The following SLC30A8 variants were observed in gnomAD, a reference collection of about 807,000 sequenced individuals.
SLC30A8 encodes the protein solute carrier family 30 member 8.
Under a neutral mutation model 36.9 loss-of-function variants are expected in SLC30A8, and 27 were observed. That is an observed-to-expected ratio of 0.73 (90% CI 0.54 to 1.01). The LOEUF is 1.01. Among genes scored for constraint, SLC30A8 ranks in the 50% least tolerant of loss-of-function variants. The pLI, the probability that SLC30A8 is intolerant of heterozygous loss-of-function variation, is 0.00. For synonymous variants in SLC30A8, 164 were observed against 172.4 expected (o/e 0.95, Z 0.38); for missense variants, 439 against 452.0 (o/e 0.97, Z 0.26).
At chr8:117,127,620 G>A (rs1452589475) in intron 2 of SLC30A8, among the ~76,000 whole-genome samples, 1 of 152,026 alleles carries the variant, frequency 6.6e-6, no homozygotes, top group Admixed American at 6.6e-5. Flanking sequence ...TCAGCACAAT[G>A]TTATAAGTTT....
At chr8:117,061,242 C>G (rs898153773) in intron 2 of SLC30A8, among the ~76,000 whole-genome samples, 1 of 152,214 alleles carries the variant, frequency 6.6e-6, no homozygotes, top group African/African-American at 2.4e-5. Flanking sequence ...AACCTAAGAT[C>G]ATCTACCTAT....
At chr8:117,124,513 C>T (rs1455444873) in intron 2 of SLC30A8, among the ~76,000 whole-genome samples, 1 of 151,804 alleles carries the variant, frequency 6.6e-6, no homozygotes, top group African/African-American at 2.4e-5. Context: ...TGTGGGATCT[C>T]ACATTGGCAT....
intron 2 of SLC30A8, among the ~76,000 whole-genome samples, chr8:117,053,820 G>A (rs1008681473): frequency 2.0e-5 from 3 of 152,158 alleles, no homozygotes; most frequent in African/African-American, 7.2e-5. Flanking sequence ...TTTTTGAAAT[G>A]AACTTGAAAA....
intron 2 of SLC30A8, among the ~76,000 whole-genome samples, chr8:117,086,034 T>A (rs1278064900): frequency 2.0e-5 from 3 of 152,190 alleles, no homozygotes; most frequent in African/African-American, 7.2e-5. Flanking sequence ...AGGTCATGGC[T>A]CTTTTGAAAA....
intron 2 of SLC30A8, among the ~76,000 whole-genome samples, chr8:117,108,470 AG>A (rs1276647033): frequency 6.6e-6 from 1 of 152,216 alleles, no homozygotes; most frequent in Non-Finnish European, 1.5e-5. Context: ...CTGTTTTAGC[AG>A]GTGCTCAGAG....
At chr8:117,057,990 A>G (rs556821730) in intron 2 of SLC30A8, among the ~76,000 whole-genome samples, 34 of 152,318 alleles carry the variant, frequency 2.2e-4, no homozygotes, top group African/African-American at 8.2e-4. Flanking sequence ...TGGCTATGCC[A>G]ATCTATGCTC....
At chr8:117,099,918 A>G (rs1586513592) in intron 2 of SLC30A8, among the ~76,000 whole-genome samples, 1 of 152,174 alleles carries the variant, frequency 6.6e-6, no homozygotes, top group East Asian at 1.9e-4. Context: ...CTATTGTTAT[A>G]TATCCATTTT....
intron 1 of SLC30A8, among the ~76,000 whole-genome samples, chr8:117,024,453 C>G (rs1460753047): frequency 1.3e-5 from 2 of 152,184 alleles, no homozygotes; most frequent in African/African-American, 4.8e-5. Context: ...TGGGCGTAAT[C>G]TCTTCCTCCT....
chr8:117,145,438 T>C (rs1821853754), intron 1 of SLC30A8, among the ~76,000 whole-genome samples: 1 of 151,834 alleles, frequency 6.6e-6, no homozygotes, highest in Non-Finnish European at 1.5e-5. Flanking sequence ...AATAATAGAG[T>C]CAGAATAATA....
At chr8:117,138,078 AAAG>A (rs1307280017) in intron 1 of SLC30A8, among the ~76,000 whole-genome samples, 8 of 147,828 alleles carry the variant, frequency 5.4e-5, no homozygotes, top group African/African-American at 2.1e-4. Context: ...AAAAAAAAAA[AAAG>A]AAAAAGAAAA....
At chr8:117,045,534 A>G (rs1817524213) in intron 2 of SLC30A8, among the ~76,000 whole-genome samples, 1 of 152,178 alleles carries the variant, frequency 6.6e-6, no homozygotes. Flanking sequence ...ATGTTTTGGC[A>G]GCTTGTGCAG....
At chr8:117,109,585 G>A (rs1820135916) in intron 2 of SLC30A8, among the ~76,000 whole-genome samples, 1 of 147,610 alleles carries the variant, frequency 6.8e-6, no homozygotes, top group African/African-American at 2.5e-5. Flanking sequence ...AAATTCCTAA[G>A]AGCCCCGTGT....
intron 1 of SLC30A8, among the ~76,000 whole-genome samples, chr8:116,965,310 A>G (rs1337110089): frequency 6.6e-6 from 1 of 152,246 alleles, no homozygotes; most frequent in Non-Finnish European, 1.5e-5. Flanking sequence ...GCAAAGCTAA[A>G]ATACAAACTG....
chr8:117,006,001 G>A (rs1433932354), intron 1 of SLC30A8, among the ~76,000 whole-genome samples: 1 of 152,180 alleles, frequency 6.6e-6, no homozygotes, highest in Non-Finnish European at 1.5e-5. Context: ...TAAATAATCA[G>A]CTAGTAGGTG....
intron 1 of SLC30A8, among the ~76,000 whole-genome samples, chr8:117,018,897 A>C (rs1252256899): frequency 1.7e-4 from 26 of 152,076 alleles, no homozygotes; most frequent in Non-Finnish European, 2.1e-4. Flanking sequence ...TCCTGACCTC[A>C]GGTGATCTAC....
Position 117,128,080 on chromosome 8 carries a change from G to C in SLC30A8, c.-225-7200G>C, listed in dbSNP as rs73317611. Among the ~76,000 whole-genome samples, 304 of 152,162 alleles carry C rather than the reference G, an allele frequency of 2.0e-3. 1 individual carries two copies. The highest frequency in any genetic ancestry group is 6.9e-3 in the African/African-American group (285 of 41,552). ...TGTTAAGGCATAGATAGAAGAGAAC[G>C]TGGCGATTGTTGGGTTGAGCAATTA... On this transcript the variant is annotated intron_variant, in intron 2 of 10. Coordinates refer to the SLC30A8 transcript ENST00000427715.
intron 1 of SLC30A8, among the ~76,000 whole-genome samples, chr8:117,008,806 C>T (rs1816257239): frequency 6.6e-6 from 1 of 152,186 alleles, no homozygotes; most frequent in Non-Finnish European, 1.5e-5. Flanking sequence ...TGATGATACT[C>T]ATGAGGTCAA....
intron 1 of SLC30A8, among the ~76,000 whole-genome samples, chr8:117,006,283 T>C (rs986873847): frequency 6.6e-6 from 1 of 152,034 alleles, no homozygotes; most frequent in African/African-American, 2.4e-5. Flanking sequence ...AGTTACAGAG[T>C]TGATTCAGTG....
intron 1 of SLC30A8, among the ~76,000 whole-genome samples, chr8:116,967,941 C>T (rs1285309637): frequency 1.3e-5 from 2 of 152,094 alleles, no homozygotes; most frequent in Non-Finnish European, 2.9e-5. Flanking sequence ...ATAAAAAAGA[C>T]CTGTGGCTTG....
Sources: allele counts gnomAD v4.1 joint callset (sites outside exome capture counted in the v4.1 genomes callset), GRCh38; gene constraint gnomAD v4.1.1; transcripts MANE v1.5; gene names NCBI Gene and HGNC (gene_info 2026-07-23, HGNC 2026-07-21).